Variants in KCNIP3 observed in about 807,000 individuals in gnomAD.
The protein encoded by KCNIP3 is calsenilin.
KCNIP3 carries 28 observed loss-of-function variants against 35.0 expected under a neutral mutation model. That is an observed-to-expected ratio of 0.80 (90% confidence interval 0.59 to 1.10). The LOEUF (loss-of-function observed/expected upper bound fraction) is 1.10, where lower values mean the gene tolerates loss of function less well. KCNIP3 is among the 50% of genes least tolerant of loss of function. The probability of loss-of-function intolerance (pLI) is 0.00; values close to 1 mark genes in which losing one functional copy is unlikely to be tolerated. For missense variants in KCNIP3, 295 were observed against 338.4 expected (o/e 0.87, Z 1.01); for synonymous variants, 134 against 133.8 (o/e 1.00, Z -0.01).
Position 95,381,665 on chromosome 2 carries a change from C to A in KCNIP3, c.517C>A (p.Leu173Ile). The A allele has an allele frequency of 6.2e-7, 1 of 1,614,110 alleles. No individual in the cohort carries two copies. Among genetic ancestry groups the A allele is most frequent in the Non-Finnish European group, 8.5e-7 (1 of 1,179,966 alleles). The stretch of plus-strand genomic sequence containing the variant: ...CGAGAAGCTCAAGTGGGCCTTTAAT[C>A]TCTACGACATTAACAAGGATGGCTA... ...VHEKLKWAFN[L>I]YDINKDGYIT... Residue 173 changes from leucine (L) to isoleucine (I), a missense_variant, in exon 6 of 9, where the codon CTC (leucine) becomes ATC (isoleucine). Physicochemically the swap from Leu to Ile is conservative, Grantham distance 5. Transcript: ENST00000295225.
chr2:95,322,955 C>T (rs1678634086), intron 2 of KCNIP3, among the ~76,000 whole-genome samples: 1 of 152,244 alleles, frequency 6.6e-6, no homozygotes, highest in Admixed American at 6.5e-5. Flanking sequence ...CCACCGCGAG[C>T]AGGTCCATGC....
At chr2:95,310,094 T>A (rs1405265878) in intron 1 of KCNIP3, 1 of 608,900 alleles carries the variant, frequency 1.6e-6, no homozygotes, top group African/African-American at 1.8e-5. Flanking sequence ...GGATCACTGC[T>A]GACATCCCCT....
intron 2 of KCNIP3, among the ~76,000 whole-genome samples, chr2:95,319,259 G>A (rs1678532421): frequency 6.6e-6 from 1 of 152,194 alleles, no homozygotes; most frequent in Admixed American, 6.5e-5. Context: ...GCTCAGTCTA[G>A]CCCCAGGTGG....
intron 2 of KCNIP3, chr2:95,346,917 C>G (rs945906674): frequency 5.8e-5 from 34 of 583,894 alleles, no homozygotes; most frequent in Non-Finnish European, 8.1e-5. Context: ...GCCGTCGCCG[C>G]CCCCGAGAGG....
Position 95,374,394 on chromosome 2 carries a change from C to T in KCNIP3, c.280C>T (p.Gln94Ter). ...GACCAAGTTCACCAAGAAGGAGCTGCAGTCTCTCTACAGGGGCTTTAAGAA... is the reference window on the plus strand; with the variant it reads ...GACCAAGTTCACCAAGAAGGAGCTGTAGTCTCTCTACAGGGGCTTTAAGAA... ...AQTKFTKKEL[Q>*]SLYRGFKNEC... Residue 94 changes from glutamine (Q) to a stop codon, truncating the protein, a stop_gained, in exon 3 of 9, where the codon CAG becomes TAG. Coordinates refer to ENST00000295225, the MANE Select transcript of KCNIP3 (RefSeq NM_013434.5). LOFTEE classifies it high-confidence loss of function. The T allele has an allele frequency of 6.2e-7, 1 of 1,614,200 alleles. No homozygotes were observed. Among genetic ancestry groups the T allele is most frequent in the Non-Finnish European group, 8.5e-7 (1 of 1,179,998 alleles).
At position 95,315,599 on chromosome 2, in the gene KCNIP3, C is replaced by T. The variant is rs1424609480; in HGVS notation, c.181+5079C>T. ...ATCAGTGTAAACCTGTGCCTTCGGC[C>T]CTCTCTTCTTCAGACAATGTGGGCA... On this transcript the variant is annotated intron_variant, in intron 2 of 8. Transcript: ENST00000295225. Among the ~76,000 whole-genome samples, 8 of 152,322 alleles carry T rather than the reference C, an allele frequency of 5.3e-5. No individual in the cohort carries two copies. The South Asian group carries it at 8.3e-4, about 16-fold the overall frequency.
chr2:95,353,225 A>G (rs1679571490), intron 2 of KCNIP3, among the ~76,000 whole-genome samples: 1 of 152,308 alleles, frequency 6.6e-6, no homozygotes, highest in East Asian at 1.9e-4. Flanking sequence ...GGGAAGAGAA[A>G]GAGATGCTTT....
chr2:95,334,083 C>T (rs1453214831), intron 2 of KCNIP3, among the ~76,000 whole-genome samples: 1 of 152,258 alleles, frequency 6.6e-6, no homozygotes, highest in African/African-American at 2.4e-5. Flanking sequence ...GTTCAGAGAT[C>T]TTCACAGATC....
Position 95,382,263 on chromosome 2 carries a change from C to G in KCNIP3, c.556-114C>G. The stretch of plus-strand genomic sequence containing the variant: ...GGCTTCTCTCTCCAGCTCGTCCGGC[C>G]CCTCGCACTCACTGCCTTGGAGGTG... On this transcript the variant is annotated intron_variant, in intron 6 of 8. Transcript: ENST00000295225. This position sits in a 1 kb window ranked among gnomAD's most constrained non-coding sequence, Gnocchi z 4.5. 1.7e-6 allele frequency: 1 copy of G among 573,412 alleles called. No homozygotes were observed. The highest frequency in any genetic ancestry group is 3.0e-6 in the Non-Finnish European group (1 of 331,214). The allele number at this position is 573,412 out of a possible 1,614,324, so 35.5% of individuals were successfully genotyped here. A position where few individuals can be genotyped will look rare whatever the true frequency, so the allele number is the denominator to read the frequency against.
At position 95,376,873 on chromosome 2, in the gene KCNIP3, C is replaced by T. The variant is rs142416033; in HGVS notation, c.447+1665C>T. 2.1e-4 allele frequency among the ~76,000 whole-genome samples: 32 copies of T among 152,362 alleles called. No individual in the cohort carries two copies. Among genetic ancestry groups the T allele is most frequent in the Admixed American group, 5.2e-4 (8 of 15,308 alleles). On this transcript the variant is annotated intron_variant, in intron 5 of 8. Transcript: ENST00000295225. The surrounding 1 kb of genome is among the most constrained non-coding windows in gnomAD (Gnocchi z 4.2). ...TAATGCAAGGCAACCCTGCATGACA[C>T]TGTCTGCAATGATTCTGTCCCTTTC...
chr2:95,333,912 C>A (rs568484207), intron 2 of KCNIP3, among the ~76,000 whole-genome samples: 4 of 152,168 alleles, frequency 2.6e-5, no homozygotes, highest in African/African-American at 9.7e-5. Flanking sequence ...CCAAGTCATT[C>A]GTCTGCATTC....
At chr2:95,367,400 CA>C (rs1226922300) in intron 2 of KCNIP3, among the ~76,000 whole-genome samples, 1 of 152,138 alleles carries the variant, frequency 6.6e-6, no homozygotes, top group African/African-American at 2.4e-5. Flanking sequence ...TCTGTATGTA[CA>C]AAAAAACTCT....
intron 2 of KCNIP3, chr2:95,313,216 G>C (rs1266004875): frequency 1.3e-5 from 2 of 152,366 alleles, no homozygotes; most frequent in Admixed American, 1.3e-4. Context: ...GGAACAGCTG[G>C]GAGTGAAAGC....
intron 1 of KCNIP3, among the ~76,000 whole-genome samples, chr2:95,306,109 G>A (rs565328138): frequency 8.5e-5 from 13 of 152,278 alleles, no homozygotes; most frequent in Admixed American, 8.5e-4. Flanking sequence ...CCTTTCCACC[G>A]ACAATGGAGG....
chr2:95,311,613 G>T (rs971963466), intron 2 of KCNIP3: 5 of 152,246 alleles, frequency 3.3e-5, no homozygotes, highest in Admixed American at 1.3e-4. Context: ...ACAGCCAGAG[G>T]TCCATGCCTG....
In KCNIP3 at chr2:95,324,180, T is replaced by C. The variant is rs111766991; in HGVS notation, c.181+13660T>C. ...CGGATTCCCTGACACAGATTCAGGT[T>C]TTCATTCTTGTTTGAAATAATGCTC... On this transcript the variant is annotated intron_variant, in intron 2 of 8. Coordinates refer to ENST00000295225, the MANE Select transcript of KCNIP3 (RefSeq NM_013434.5). Among the ~76,000 whole-genome samples the C allele has an allele frequency of 3.9e-3, 588 of 152,358 alleles. 2 individuals carry two copies. Among genetic ancestry groups the C allele is most frequent in the South Asian group, 0.024 (116 of 4,828 alleles).
Position 95,382,812 on chromosome 2 carries a change from G to T in KCNIP3, c.660+331G>T, listed in dbSNP as rs1680382315. On this transcript the variant is annotated intron_variant, in intron 7 of 8. Coordinates refer to ENST00000295225, the MANE Select transcript of KCNIP3 (RefSeq NM_013434.5). The surrounding 1 kb of genome is among the most constrained non-coding windows in gnomAD (Gnocchi z 4.5). ...GCAGGTTGGGGGCCTTCACCTGTAT[G>T]CATGGCGGCTGCAGGGGCTGCAGGC... 6.6e-6 allele frequency among the ~76,000 whole-genome samples: 1 copy of T among 152,218 alleles called. No individual in the cohort carries two copies. Among genetic ancestry groups the T allele is most frequent in the Non-Finnish European group, 1.5e-5 (1 of 68,038 alleles).
intron 2 of KCNIP3, among the ~76,000 whole-genome samples, chr2:95,366,263 A>G (rs1679915513): frequency 1.3e-5 from 2 of 152,024 alleles, no homozygotes; most frequent in Non-Finnish European, 2.9e-5. Context: ...CTGTCCTTTT[A>G]TCTTTTCCAG....
intron 2 of KCNIP3, among the ~76,000 whole-genome samples, chr2:95,370,980 G>A (rs372617813): frequency 6.6e-6 from 1 of 152,086 alleles, no homozygotes; most frequent in African/African-American, 2.4e-5. Flanking sequence ...TGTTGGCCAG[G>A]CTGGTCTTGA....
Sources: gnomAD v4.1 joint callset for allele counts (sites outside exome capture counted in the v4.1 genomes callset) on GRCh38, gnomAD v4.1.1 for gene constraint, Gnocchi (gnomAD v3.1) non-coding constraint, MANE v1.5 for transcripts, NCBI Gene and HGNC (gene_info 2026-07-23, HGNC 2026-07-21) for gene names.